Variants in STAC2 observed in about 807,000 individuals in gnomAD.
The protein encoded by STAC2 is SH3 and cysteine rich domain 2.
A neutral mutation model predicts 49.0 loss-of-function variants in STAC2; 36 were observed. The observed-to-expected ratio is 0.74, with a 90% CI of 0.56 to 0.97. STAC2 has a LOEUF of 0.97. Among genes scored for constraint, STAC2 ranks in the 50% least tolerant of loss-of-function variants. The pLI, the probability that STAC2 is intolerant of heterozygous loss-of-function variation, is 0.00. For missense variants in STAC2, 527 were observed against 543.8 expected (o/e 0.97, Z 0.31); for synonymous variants, 239 against 214.7 (o/e 1.11, Z -0.99).
Position 39,218,059 on chromosome 17 carries a change from T to C in STAC2, c.205A>G (p.Thr69Ala). The C allele has an allele frequency of 6.2e-7, 1 of 1,610,312 alleles. No homozygotes were observed. The highest frequency in any genetic ancestry group is 8.5e-7 in the Non-Finnish European group (1 of 1,179,464). The change falls in exon 2 of 11, where the codon ACG (threonine) becomes GCG (alanine). Residue 69 changes from threonine (T) to alanine (A), a missense_variant. Physicochemically the swap from Thr to Ala is moderately conservative, Grantham distance 58. Coordinates refer to ENST00000333461, the MANE Select transcript of STAC2 (RefSeq NM_198993.5). The part of the protein sequence containing the change: ...ELKCPTEVLL[T>A]PPTPLPPPSP... ...GGAGGGGGCAGTGGGGTTGGGGGCG[T>C]CAGCAGCACCTCGGTGGGGCACTTG...
chr17:39,225,674 G>C lies in STAC2; in HGVS notation c.-172C>G, dbSNP rs1009892311. On this transcript the variant is annotated 5_prime_UTR_variant, in exon 1 of 11. Coordinates refer to ENST00000333461, the MANE Select transcript of STAC2 (RefSeq NM_198993.5). The surrounding 1 kb of genome is among the most constrained non-coding windows in gnomAD (Gnocchi z 8.2). Reference sequence around the variant, plus strand: ...GCGGGAGCGGGCAGAGAAAGTTGCCGGGGTGGCGGGCGAGGGGAGGCCACC... The same window carrying C: ...GCGGGAGCGGGCAGAGAAAGTTGCCCGGGTGGCGGGCGAGGGGAGGCCACC... 10 of 671,126 alleles carry C rather than the reference G, an allele frequency of 1.5e-5. No homozygotes were observed. The East Asian group carries it at 2.6e-4, about 17-fold the overall frequency. 41.6% of individuals were successfully genotyped at this position (671,126 alleles called of 1,614,324 possible).
intron 4 of STAC2, among the ~76,000 whole-genome samples, 183 bp downstream of exon 4, chr17:39,216,627 G>A (rs1357449410): frequency 6.6e-6 from 1 of 152,072 alleles, no homozygotes; most frequent in Non-Finnish European, 1.5e-5. Flanking sequence ...TTTTGAGATG[G>A]AGTCTCACTC....
intron 7 of STAC2, among the ~76,000 whole-genome samples, 160 bp downstream of exon 7, chr17:39,214,631 C>T (rs1410880472): frequency 6.6e-6 from 1 of 152,110 alleles, no homozygotes; most frequent in Admixed American, 6.5e-5. Flanking sequence ...CCTCCTGCCT[C>T]CCATGCCCTC....
At chr17:39,222,935 G>A (rs2046476250) in intron 1 of STAC2, among the ~76,000 whole-genome samples, 1 of 152,188 alleles carries the variant, frequency 6.6e-6, no homozygotes, top group Non-Finnish European at 1.5e-5. Flanking sequence ...TCACAGCAGA[G>A]ATGGCATGGG....
chr17:39,216,772 C>A (rs1243795164), intron 4 of STAC2, 38 bp downstream of exon 4: 7 of 1,532,366 alleles, frequency 4.6e-6, no homozygotes, highest in Non-Finnish European at 5.3e-6. Flanking sequence ...CATCCCACCA[C>A]AATGGGAGCA....
At chr17:39,220,096 T>A (rs1597736300) in intron 1 of STAC2, among the ~76,000 whole-genome samples, 1 of 152,328 alleles carries the variant, frequency 6.6e-6, no homozygotes, top group African/African-American at 2.4e-5. Flanking sequence ...ACTGAAGGGC[T>A]CAGTGCCTTC....
chr17:39,225,448 G>C lies in STAC2; in HGVS notation c.55C>G (p.Pro19Ala), dbSNP rs368320930. ...NEPDDAATHS[P>A]PGTVSALQET... Reference sequence around the variant, plus strand: ...TGGAGGGCGGAGACGGTCCCTGGGGGGCTGTGGGTGGCCGCGTCATCCGGT... The same window carrying C: ...TGGAGGGCGGAGACGGTCCCTGGGGCGCTGTGGGTGGCCGCGTCATCCGGT... Residue 19 changes from proline (P) to alanine (A), a missense_variant, in exon 1 of 11, where the codon CCC (proline) becomes GCC (alanine). By Grantham distance (27) the Pro-to-Ala change is conservative. Transcript: ENST00000333461. The surrounding 1 kb of genome is among the most constrained non-coding windows in gnomAD (Gnocchi z 8.2). The C allele has an allele frequency of 6.2e-7, 1 of 1,609,490 alleles. No homozygotes were observed. Among genetic ancestry groups the C allele is most frequent in the Non-Finnish European group, 8.5e-7 (1 of 1,178,644 alleles).
intron 1 of STAC2, among the ~76,000 whole-genome samples, chr17:39,220,215 GAC>G (rs2046447996): frequency 6.6e-6 from 1 of 152,174 alleles, no homozygotes; most frequent in African/African-American, 2.4e-5. Context: ...AGGCTGGAGA[GAC>G]AATTAATGAG....
intron 1 of STAC2, among the ~76,000 whole-genome samples, chr17:39,219,953 G>A (rs956655291): frequency 1.3e-5 from 2 of 152,180 alleles, no homozygotes; most frequent in African/African-American, 4.8e-5. Context: ...CCAAGGGGAT[G>A]GAAGTGGTGG....
chr17:39,213,615 C>T, intron 8 of STAC2, 57 bp from the exon 9 acceptor site: 2 of 1,576,060 alleles, frequency 1.3e-6, no homozygotes, highest in Admixed American at 1.7e-5. Context: ...CCCTCCCCAT[C>T]CTAGCAGACC....
Position 39,214,964 on chromosome 17 carries a change from C to T in STAC2, c.759G>A (p.Gly253=). The T allele has an allele frequency of 6.2e-7, 1 of 1,614,144 alleles. No individual in the cohort carries two copies. Among genetic ancestry groups the T allele is most frequent in the Non-Finnish European group, 8.5e-7 (1 of 1,180,018 alleles). ...GEGSIRSSEE[G]PGDSASPVFT... ...ACCACCACTCACCACTGTCACCAGG[C>T]CCCTCCTCAGAGCTGCGGATGCTGC... The change falls in exon 6 of 11, where the codon GGG becomes GGA. Residue 253 remains glycine, a synonymous_variant. Coordinates refer to ENST00000333461, the MANE Select transcript of STAC2 (RefSeq NM_198993.5).
intron 1 of STAC2, among the ~76,000 whole-genome samples, chr17:39,222,285 A>T (rs8074753): frequency 6.6e-6 from 1 of 152,078 alleles, no homozygotes; most frequent in Non-Finnish European, 1.5e-5. Context: ...CACCTCTGCT[A>T]GGTACCGGAG....
intron 9 of STAC2, 42 bp from the exon 10 acceptor site, chr17:39,213,174 C>G: frequency 6.3e-7 from 1 of 1,597,142 alleles, no homozygotes; most frequent in Non-Finnish European, 8.5e-7. Context: ...CCACACCCCA[C>G]CCCTGCTGCC....
Position 39,225,727 on chromosome 17 carries a change from C to G in STAC2, c.-225G>C. The G allele has an allele frequency of 1.7e-6, 1 of 577,088 alleles. No homozygotes were observed. The highest frequency in any genetic ancestry group is 2.0e-5 in the South Asian group (1 of 50,222). 35.7% of individuals were successfully genotyped at this position (577,088 alleles called of 1,614,324 possible). ...GCTGAGCCGCAGGAGCGGGACGACC[C>G]CGGGCGCGAGGACCGAGGGTCTGCA... On this transcript the variant is annotated 5_prime_UTR_variant, in exon 1 of 11. Transcript: ENST00000333461. This position sits in a 1 kb window ranked among gnomAD's most constrained non-coding sequence, Gnocchi z 8.2.
chr17:39,212,227 C>T lies in STAC2; in HGVS notation c.*65G>A. 2 of 1,228,634 alleles carry T rather than the reference C, an allele frequency of 1.6e-6. No individual in the cohort carries two copies. The highest frequency in any genetic ancestry group is 2.3e-6 in the Non-Finnish European group (2 of 854,014). 76.1% of individuals were successfully genotyped at this position (1,228,634 alleles called of 1,614,324 possible). ...TGGAGTGGACAAGGGGGCCTGATCCCCTCCCTGGCCAGAAGCAAGGTCCAG... is the reference window on the plus strand; with the variant it reads ...TGGAGTGGACAAGGGGGCCTGATCCTCTCCCTGGCCAGAAGCAAGGTCCAG... On this transcript the variant is annotated 3_prime_UTR_variant, in exon 11 of 11. Transcript: ENST00000333461.
intron 1 of STAC2, among the ~76,000 whole-genome samples, chr17:39,224,279 G>A (rs1040947371): frequency 6.6e-6 from 1 of 152,180 alleles, no homozygotes; most frequent in African/African-American, 2.4e-5. Context: ...GTCCCCTTTC[G>A]CCTCTGGAGA....
chr17:39,224,685 C>T (rs1205454971), intron 1 of STAC2, among the ~76,000 whole-genome samples: 2 of 152,220 alleles, frequency 1.3e-5, no homozygotes, highest in African/African-American at 4.8e-5. Flanking sequence ...TCTACCCGCT[C>T]CCCCTCCTCT....
intron 2 of STAC2, among the ~76,000 whole-genome samples, chr17:39,217,390 C>T (rs1271058400): frequency 1.3e-5 from 2 of 151,998 alleles, no homozygotes; most frequent in African/African-American, 2.4e-5. Context: ...CTGAGTATAC[C>T]CCCACCCTTG....
At chr17:39,213,964 A>ACCGCGCCCC (rs2046377902) in intron 8 of STAC2, among the ~76,000 whole-genome samples, 1 of 152,060 alleles carries the variant, frequency 6.6e-6, no homozygotes, top group Admixed American at 6.5e-5. Context: ...AGGGTGAGCC[A>ACCGCGCCCC]CCGCGCCCCG....
Sources: allele counts gnomAD v4.1 joint callset (sites outside exome capture counted in the v4.1 genomes callset), GRCh38; gene constraint gnomAD v4.1.1; non-coding constraint Gnocchi (gnomAD v3.1); transcripts MANE v1.5; gene names NCBI Gene and HGNC (gene_info 2026-07-23, HGNC 2026-07-21).